Variants in PIP5K1B observed in about 807,000 individuals in gnomAD.
PIP5K1B encodes the protein phosphatidylinositol-4-phosphate 5-kinase type 1 beta, also known as phosphatidylinositol 4-phosphate 5-kinase type-1 beta.
PIP5K1B carries 42 observed loss-of-function variants against 67.0 expected under a neutral mutation model. The observed-to-expected ratio is 0.63, with a 90% CI of 0.49 to 0.81. The LOEUF (loss-of-function observed/expected upper bound fraction) is 0.81. PIP5K1B is among the 30% of genes least tolerant of loss of function. PIP5K1B has a pLI of 0.00. For synonymous variants in PIP5K1B, 214 were observed against 231.4 expected, an observed-to-expected ratio of 0.92 and a Z score of 0.68; for missense variants, 459 against 646.3, an observed-to-expected ratio of 0.71 and a Z score of 3.14.
chr9:68,982,796 G>A (rs191669297), intron 14 of PIP5K1B, among the ~76,000 whole-genome samples: 3 of 151,908 alleles, frequency 2.0e-5, no homozygotes, highest in Admixed American at 1.3e-4. Flanking sequence ...ACTGCTTGGG[G>A]CATCTTCAAG....
chr9:68,779,883 A>G (rs1263511343), intron 2 of PIP5K1B, among the ~76,000 whole-genome samples: 1 of 152,274 alleles, frequency 6.6e-6, no homozygotes, highest in Admixed American at 6.5e-5. Flanking sequence ...ACATGCGTCA[A>G]CGCGAGCTTG....
chr9:68,942,456 G>T (rs1010157574), intron 14 of PIP5K1B, among the ~76,000 whole-genome samples: 1 of 151,972 alleles, frequency 6.6e-6, no homozygotes, highest in African/African-American at 2.4e-5. Flanking sequence ...TTGTGTTTTG[G>T]TAGCAGTGGT....
chr9:68,731,741 G>A (rs1323619154), intron 1 of PIP5K1B, among the ~76,000 whole-genome samples: 1 of 152,176 alleles, frequency 6.6e-6, no homozygotes, highest in Non-Finnish European at 1.5e-5. Context: ...TGAGGTTAGT[G>A]CATGTGATGG....
At chr9:68,896,869 T>G (rs1326172990) in intron 8 of PIP5K1B, among the ~76,000 whole-genome samples, 5 of 152,050 alleles carry the variant, frequency 3.3e-5, no homozygotes, top group African/African-American at 1.2e-4. Flanking sequence ...TGAACTCTCC[T>G]CCCCCCAAAA....
chr9:68,875,710 C>T (rs1011102078), intron 5 of PIP5K1B, among the ~76,000 whole-genome samples: 2 of 152,092 alleles, frequency 1.3e-5, no homozygotes, highest in African/African-American at 4.8e-5. Context: ...CTCTCAATGT[C>T]CCACCTAGAA....
intron 4 of PIP5K1B, among the ~76,000 whole-genome samples, chr9:68,827,429 G>A (rs890300035): frequency 2.0e-5 from 3 of 152,234 alleles, no homozygotes; most frequent in Admixed American, 6.5e-5. Flanking sequence ...TCTGAGAACT[G>A]TAATTTTTAA....
chr9:69,002,161 C>CT (rs1160218261), intron 15 of PIP5K1B, among the ~76,000 whole-genome samples: 2 of 152,318 alleles, frequency 1.3e-5, no homozygotes, highest in African/African-American at 4.8e-5. Context: ...AACCAACAGT[C>CT]TACCAGATCT....
chr9:68,805,645 C>T (rs1415257615), intron 2 of PIP5K1B, among the ~76,000 whole-genome samples: 1 of 151,946 alleles, frequency 6.6e-6, no homozygotes, highest in Non-Finnish European at 1.5e-5. Context: ...GACACCAGAG[C>T]CTCTTCCTGT....
intron 4 of PIP5K1B, among the ~76,000 whole-genome samples, chr9:68,849,861 C>G (rs941408876): frequency 6.6e-6 from 1 of 152,068 alleles, no homozygotes; most frequent in Non-Finnish European, 1.5e-5. Context: ...TACAATTTAC[C>G]TTTCTAAATT....
At chr9:68,767,003 T>C (rs10746925) in intron 2 of PIP5K1B, among the ~76,000 whole-genome samples, 109,538 of 152,128 alleles carry the variant, frequency 0.72, 39,664 homozygotes, top group East Asian at 0.8. Flanking sequence ...ATTCTTCAAA[T>C]AGTCAGGGAT....
intron 8 of PIP5K1B, among the ~76,000 whole-genome samples, chr9:68,907,586 C>T (rs776360110): frequency 2.6e-5 from 4 of 152,014 alleles, no homozygotes; most frequent in Admixed American, 1.3e-4. Context: ...TTCTCAATAC[C>T]GATGGTGACT....
intron 14 of PIP5K1B, among the ~76,000 whole-genome samples, chr9:68,942,647 A>G (rs533722890): frequency 6.6e-6 from 1 of 152,278 alleles, no homozygotes; most frequent in African/African-American, 2.4e-5. Flanking sequence ...CTGTGCTGTC[A>G]TTCTTGATGC....
intron 14 of PIP5K1B, among the ~76,000 whole-genome samples, chr9:68,987,816 A>G (rs1664927925): frequency 6.6e-6 from 1 of 152,118 alleles, no homozygotes; most frequent in Admixed American, 6.6e-5. Context: ...ATCATAACTC[A>G]TGAGACTTAT....
At chr9:68,975,662 AC>A (rs1457528526) in intron 14 of PIP5K1B, among the ~76,000 whole-genome samples, 1 of 152,122 alleles carries the variant, frequency 6.6e-6, no homozygotes, top group Non-Finnish European at 1.5e-5. Context: ...AATTTGTCTC[AC>A]CGTTCTGGAG....
chr9:68,855,430 A>G (rs1382577617), intron 4 of PIP5K1B, among the ~76,000 whole-genome samples: 6 of 152,166 alleles, frequency 3.9e-5, no homozygotes, highest in Admixed American at 3.9e-4. Context: ...CTCTATCCCA[A>G]GCTCCAGACT....
At chr9:68,753,821 G>T (rs1454350143) in intron 2 of PIP5K1B, among the ~76,000 whole-genome samples, 1 of 152,066 alleles carries the variant, frequency 6.6e-6, no homozygotes, top group Non-Finnish European at 1.5e-5. Context: ...ACCGCACACA[G>T]CCTAATTTTT....
chr9:68,877,435 T>C lies in PIP5K1B; in HGVS notation c.318+641T>C, dbSNP rs113995640. 5.5e-3 allele frequency among the ~76,000 whole-genome samples: 842 copies of C among 152,322 alleles called. 6 individuals carry two copies. Among genetic ancestry groups the C allele is most frequent in the African/African-American group, 0.019 (772 of 41,566 alleles). ...TTCCTGTTCAAGAAGCCAGGAACTT[T>C]CTGTTACAAGTGAAAAAATGGTTTG... On this transcript the variant is annotated intron_variant, in intron 6 of 15. Coordinates refer to ENST00000265382, the MANE Select transcript of PIP5K1B (RefSeq NM_003558.4).
intron 8 of PIP5K1B, among the ~76,000 whole-genome samples, chr9:68,913,548 A>C (rs931941047): frequency 3.3e-5 from 5 of 152,268 alleles, no homozygotes; most frequent in Non-Finnish European, 7.3e-5. Flanking sequence ...ATCTGTTCCC[A>C]GAGTTTCTCA....
chr9:68,740,379 C>G (rs150218812), intron 1 of PIP5K1B, among the ~76,000 whole-genome samples: 254 of 152,286 alleles, frequency 1.7e-3, no homozygotes, highest in African/African-American at 5.8e-3. Context: ...AGTTCTAATA[C>G]AGTATGATAC....
Sources: gnomAD v4.1 joint callset for allele counts (sites outside exome capture counted in the v4.1 genomes callset) on GRCh38, gnomAD v4.1.1 for gene constraint, MANE v1.5 for transcripts, NCBI Gene and HGNC (gene_info 2026-07-23, HGNC 2026-07-21) for gene names.